MYO18A: variants seen among roughly 807,000 people sequenced by gnomAD.
The protein encoded by MYO18A is myosin XVIIIA.
In MYO18A, 78 loss-of-function variants were observed where a neutral mutation model predicts 235.8. That is an observed-to-expected ratio of 0.33 (90% CI 0.28 to 0.40). The LOEUF is 0.40. Among genes scored for constraint, MYO18A ranks in the 10% least tolerant of loss-of-function variants. The pLI is 1.00. For synonymous variants in MYO18A, 977 were observed against 1,077.8 expected (o/e 0.91, Z 1.83); for missense variants, 2,215 against 2,699.3 (o/e 0.82, Z 3.98).
chr17:29,141,034 C>T (rs1230910555), intron 2 of MYO18A, among the ~76,000 whole-genome samples: 17 of 152,226 alleles, frequency 1.1e-4, no homozygotes, highest in Admixed American at 1.1e-3. Flanking sequence ...ACGGGCAGGC[C>T]CACTTACTGC....
rs1598278401 is a variant in MYO18A at position 29,087,845 on chromosome 17, T to C, written c.5527-724A>G. 2.0e-5 allele frequency among the ~76,000 whole-genome samples: 3 copies of C among 151,782 alleles called. No individual in the cohort carries two copies. In the East Asian group the frequency reaches 5.8e-4, roughly 29 times the overall value. On this transcript the variant is annotated intron_variant, in intron 37 of 41. Transcript: ENST00000527372. ...AAAACTCTCTGAGCGGAAGGGAACC[T>C]GAGGGGTAGAGGTGCGGGAAGGGAC...
chr17:29,145,683 A>G (rs1266872142), intron 2 of MYO18A, among the ~76,000 whole-genome samples: 1 of 152,262 alleles, frequency 6.6e-6, no homozygotes, highest in African/African-American at 2.4e-5. Flanking sequence ...ACTGAGTGAA[A>G]GAAGATAATT....
At position 29,115,652 on chromosome 17, in the gene MYO18A, G is replaced by C. The variant is rs371462180; in HGVS notation, c.2227+12C>G. On this transcript the variant is annotated intron_variant, in intron 12 of 41. Transcript: ENST00000527372. Reference sequence around the variant, plus strand: ...TCACACTCACAACTACCAGCCAAGGGACAAAGGGTACCTGTCCCATCTCCC... The same window carrying C: ...TCACACTCACAACTACCAGCCAAGGCACAAAGGGTACCTGTCCCATCTCCC... The C allele has an allele frequency of 1.9e-4, 298 of 1,585,404 alleles. No homozygotes were observed. Among genetic ancestry groups the C allele is most frequent in the Non-Finnish European group, 2.4e-4 (284 of 1,166,306 alleles).
chr17:29,086,465 C>A lies in MYO18A; in HGVS notation c.5825G>T (p.Ser1942Ile), dbSNP rs753722956. The A allele has an allele frequency of 6.2e-7, 1 of 1,607,568 alleles. No individual in the cohort carries two copies. The highest frequency in any genetic ancestry group is 8.5e-7 in the Non-Finnish European group (1 of 1,176,902). The part of the protein sequence containing the change: ...LQAAIEDEME[S>I]DENEDLINSL... Reference sequence around the variant, plus strand: ...GTTGATGAGGTCCTCATTCTCATCACTCTCCATCTCATCCTCAATGGCAGC... The same window carrying A: ...GTTGATGAGGTCCTCATTCTCATCAATCTCCATCTCATCCTCAATGGCAGC... The change falls in exon 39 of 42, where the codon AGT (serine) becomes ATT (isoleucine). Residue 1942 changes from serine (S) to isoleucine (I), a missense_variant. Ser to Ile is a moderately radical substitution (Grantham distance 142). Transcript: ENST00000527372.
chr17:29,149,765 A>G (rs1216275292), intron 2 of MYO18A, among the ~76,000 whole-genome samples: 2 of 152,086 alleles, frequency 1.3e-5, no homozygotes, highest in African/African-American at 4.8e-5. Flanking sequence ...CTGCTTTGCC[A>G]AGCTCCCCCA....
chr17:29,097,823 G>A lies in MYO18A; in HGVS notation c.4067C>T (p.Ala1356Val), dbSNP rs1350322518. 1.2e-5 allele frequency: 20 copies of A among 1,613,534 alleles called. No homozygotes were observed. Among genetic ancestry groups the A allele is most frequent in the East Asian group, 2.2e-5 (1 of 44,896 alleles). Reference sequence around the variant, plus strand: ...ATCATCCACTTCCCCGTTGATCTCCGCTGCCCGGATGAGACGGGCCTCCAT... The same window carrying A: ...ATCATCCACTTCCCCGTTGATCTCCACTGCCCGGATGAGACGGGCCTCCAT... ...EVMEARLIRA[A>V]EINGEVDDDD... The change falls in exon 26 of 42, where the codon GCG (alanine) becomes GTG (valine). Residue 1356 changes from alanine (A) to valine (V), a missense_variant. By Grantham distance (64) the Ala-to-Val change is moderately conservative. Coordinates refer to ENST00000527372, the MANE Select transcript of MYO18A (RefSeq NM_078471.4).
intron 2 of MYO18A, chr17:29,124,751 GC>G: frequency 8.3e-7 from 1 of 1,205,056 alleles, no homozygotes. Flanking sequence ...CCACTGGCAC[GC>G]CCCCTTCAGC....
Position 29,117,944 on chromosome 17 carries a change from C to A in MYO18A, c.2038+101G>T. 1 of 1,356,356 alleles carries A rather than the reference C, an allele frequency of 7.4e-7. No homozygotes were observed. Among genetic ancestry groups the A allele is most frequent in the South Asian group, 1.4e-5 (1 of 71,864 alleles). The allele number at this position is 1,356,356 out of a possible 1,614,324, so 84.0% of individuals were successfully genotyped here. On this transcript the variant is annotated intron_variant, in intron 10 of 41. Transcript: ENST00000527372. The surrounding 1 kb of genome is among the most constrained non-coding windows in gnomAD (Gnocchi z 4.6). The stretch of plus-strand genomic sequence containing the variant: ...CAAGCAAAAGAGGGTTGTCTCAGAA[C>A]GGCTAAGTCTGTGCTGGGCAAGAAT...
intron 2 of MYO18A, chr17:29,128,028 G>C (rs1051230425): frequency 2.0e-6 from 2 of 1,014,282 alleles, no homozygotes; most frequent in Non-Finnish European, 2.4e-6. Flanking sequence ...GCCCAGTCTG[G>C]GGAGCCTGGC....
At chr17:29,100,387 C>T (rs1306524457) in intron 21 of MYO18A, among the ~76,000 whole-genome samples, 1 of 152,210 alleles carries the variant, frequency 6.6e-6, no homozygotes, top group African/African-American at 2.4e-5. Flanking sequence ...TTTCATGTGC[C>T]ACCCCCCAAC....
At chr17:29,169,706 C>T (rs1366466183) in intron 1 of MYO18A, among the ~76,000 whole-genome samples, 1 of 152,074 alleles carries the variant, frequency 6.6e-6, no homozygotes, top group Non-Finnish European at 1.5e-5. Context: ...GAAAGAAATC[C>T]ACCTTGGGGA....
At chr17:29,080,315 C>A in intron 41 of MYO18A, 1 of 986,046 alleles carries the variant, frequency 1.0e-6, no homozygotes, top group Non-Finnish European at 1.2e-6. Context: ...ACGGAGCGGA[C>A]GCTGGAGCTG....
chr17:29,157,490 C>G (rs1408381080), intron 2 of MYO18A, among the ~76,000 whole-genome samples: 1 of 152,200 alleles, frequency 6.6e-6, no homozygotes, highest in African/African-American at 2.4e-5. Context: ...CTGCCTTGCT[C>G]TCCCCTATAC....
Position 29,095,041 on chromosome 17 carries a change from C to A in MYO18A, c.4404G>T (p.Ser1468=), listed in dbSNP as rs750742796. 1 of 1,553,956 alleles carries A rather than the reference C, an allele frequency of 6.4e-7. No homozygotes were observed. The highest frequency in any genetic ancestry group is 2.0e-5 in the Admixed American group (1 of 50,710). ...KKQRRFDSEL[S]QAHEEAQREK... ...CCCGCTGGGCCTCCTCATGCGCCTG[C>A]GAGAGCTCACTGTCAAACCTGCGAG... Residue 1468 remains serine (S), a synonymous_variant, in exon 29 of 42, where the codon TCG becomes TCT. Transcript: ENST00000527372.
intron 41 of MYO18A, 120 bp from the exon 42 acceptor site, chr17:29,075,034 TTAAG>T (rs2065941583): frequency 1.6e-6 from 2 of 1,231,884 alleles, no homozygotes; most frequent in East Asian, 4.9e-5. Context: ...CCAAACATTG[TTAAG>T]TAAAAACCTT....
chr17:29,100,003 T>C (rs1235417451), intron 21 of MYO18A, among the ~76,000 whole-genome samples: 1 of 151,860 alleles, frequency 6.6e-6, no homozygotes, highest in Non-Finnish European at 1.5e-5. Flanking sequence ...AAATTTAACT[T>C]CAAAGAGAGA....
rs1408085432 is a variant in MYO18A at position 29,166,657 on chromosome 17, C to A, written c.284G>T (p.Gly95Val). The A allele has an allele frequency of 6.2e-6, 10 of 1,613,686 alleles. No homozygotes were observed. The highest frequency in any genetic ancestry group is 3.4e-6 in the Non-Finnish European group (4 of 1,179,840). ...SNRGSVILDSGHLSTASSSDD... is the reference protein window; with the variant it reads ...SNRGSVILDSVHLSTASSSDD... ...GCTGGAGCTGGCTGTACTTAGGTGG[C>A]CCGAGTCCAGGATGACGCTGCCCCG... is the stretch of plus-strand genomic sequence containing the variant. Residue 95 changes from glycine to valine, a missense_variant, in exon 2 of 42, where the codon GGC (glycine) becomes GTC (valine). Physicochemically the swap from Gly to Val is moderately radical, Grantham distance 109. Transcript: ENST00000527372.
intron 17 of MYO18A, among the ~76,000 whole-genome samples, chr17:29,110,936 A>AG (rs2066913965): frequency 6.6e-6 from 1 of 152,182 alleles, no homozygotes; most frequent in East Asian, 1.9e-4. Context: ...ATGTGACAGG[A>AG]GGGGTTAGGG....
chr17:29,074,028 C>A lies in MYO18A; in HGVS notation c.*742G>T. 1 of 1,613,970 alleles carries A rather than the reference C, an allele frequency of 6.2e-7. No individual in the cohort carries two copies. Among genetic ancestry groups the A allele is most frequent in the Non-Finnish European group, 8.5e-7 (1 of 1,179,986 alleles). On this transcript the variant is annotated 3_prime_UTR_variant, in exon 42 of 42. Transcript: ENST00000527372. The surrounding 1 kb of genome is among the most constrained non-coding windows in gnomAD (Gnocchi z 4.4). ...GAGGGTGGGGTGGGGGCTGGAGGTG[C>A]GGATGGTCCACACACACACTTGTCT...
Sources: allele counts gnomAD v4.1 joint callset (sites outside exome capture counted in the v4.1 genomes callset), GRCh38; gene constraint gnomAD v4.1.1; non-coding constraint Gnocchi (gnomAD v3.1); transcripts MANE v1.5; gene names NCBI Gene and HGNC (gene_info 2026-07-23, HGNC 2026-07-21).